The following TCF12 variants were observed in gnomAD, a reference collection of about 807,000 sequenced individuals.
The protein encoded by TCF12 is transcription factor 12.
TCF12 carries 45 observed loss-of-function variants against 86.0 expected under a neutral mutation model. The ratio of observed to expected loss-of-function variants is 0.52; its 90% CI spans 0.41 to 0.67. The LOEUF (loss-of-function observed/expected upper bound fraction) is 0.67. Ranked by LOEUF, TCF12 falls within the 30% of genes least tolerant of loss-of-function variation. The pLI, the probability that TCF12 is intolerant of heterozygous loss-of-function variation, is 0.00. For synonymous variants in TCF12, 330 were observed against 299.6 expected (o/e 1.10, Z -1.05); for missense variants, 881 against 859.9 (o/e 1.02, Z -0.31).
At chr15:57,061,547 GA>G (rs2068457945) in intron 3 of TCF12, among the ~76,000 whole-genome samples, 1 of 152,158 alleles carries the variant, frequency 6.6e-6, no homozygotes, top group Non-Finnish European at 1.5e-5. Context: ...TGGTTGCAGT[GA>G]GCTATCATCA....
At chr15:57,135,645 A>T (rs1417879266) in intron 5 of TCF12, among the ~76,000 whole-genome samples, 4 of 152,214 alleles carry the variant, frequency 2.6e-5, no homozygotes, top group Non-Finnish European at 5.9e-5. Flanking sequence ...AAAGCTTTTT[A>T]AAAAAGTATC....
At chr15:56,994,894 T>C (rs557220178) in intron 3 of TCF12, among the ~76,000 whole-genome samples, 57 of 152,228 alleles carry the variant, frequency 3.7e-4, no homozygotes, top group Middle Eastern at 3.4e-3. Context: ...ACAGAAATGG[T>C]AAATATTTGG....
chr15:57,085,194 T>C (rs1171377370), intron 4 of TCF12, among the ~76,000 whole-genome samples: 1 of 152,220 alleles, frequency 6.6e-6, no homozygotes, highest in Non-Finnish European at 1.5e-5. Context: ...AGCACTTCAT[T>C]ACACACAAAA....
chr15:56,952,380 C>CT (rs2061319899), intron 3 of TCF12, among the ~76,000 whole-genome samples: 1 of 149,444 alleles, frequency 6.7e-6, no homozygotes, highest in Non-Finnish European at 1.5e-5. Context: ...TCTAGGTCCT[C>CT]TGCATTTTCA....
At chr15:57,235,499 G>C (rs1444131577) in intron 12 of TCF12, among the ~76,000 whole-genome samples, 1 of 152,188 alleles carries the variant, frequency 6.6e-6, no homozygotes, top group Non-Finnish European at 1.5e-5. Flanking sequence ...TCCAGAAAGT[G>C]CGGTGCTGTG....
In TCF12 at chr15:57,072,664, G is replaced by A. The variant is rs2733186; in HGVS notation, c.222+8841G>A. On this transcript the variant is annotated intron_variant, in intron 4 of 20. Transcript: ENST00000333725. ...CCTCTTGATCTCAGGTACAATACAC[G>A]AGATGAAGCAGTTAAATAGCAAAGC... 3,249 of 1,305,506 alleles carry A rather than the reference G, an allele frequency of 2.5e-3. 70 individuals are homozygous for A. The African/African-American group carries it at 0.044, about 18-fold the overall frequency. The allele number at this position is 1,305,506 out of a possible 1,614,324, so 80.9% of individuals were successfully genotyped here.
chr15:56,981,677 A>C (rs149361686), intron 3 of TCF12, among the ~76,000 whole-genome samples: 7 of 152,212 alleles, frequency 4.6e-5, no homozygotes, highest in Admixed American at 2.0e-4. Flanking sequence ...GACTCCTCCA[A>C]AACTTAACTA....
intron 3 of TCF12, among the ~76,000 whole-genome samples, chr15:57,020,293 T>C (rs1460549739): frequency 6.6e-6 from 1 of 152,210 alleles, no homozygotes; most frequent in African/African-American, 2.4e-5. Context: ...GAAGCAAATG[T>C]ACTGAGCTCA....
intron 3 of TCF12, among the ~76,000 whole-genome samples, chr15:56,999,679 G>C (rs759769299): frequency 4.6e-5 from 7 of 152,048 alleles, no homozygotes; most frequent in Non-Finnish European, 1.0e-4. Flanking sequence ...TTCCAGACCA[G>C]CCTGGCCAAT....
At chr15:57,221,716 A>G (rs144790085) in intron 8 of TCF12, among the ~76,000 whole-genome samples, 6 of 152,190 alleles carry the variant, frequency 3.9e-5, no homozygotes, top group Admixed American at 2.0e-4. Context: ...AGTCCTCCAA[A>G]TCATAAGACC....
intron 5 of TCF12, among the ~76,000 whole-genome samples, chr15:57,138,755 T>A (rs761682186): frequency 1.4e-4 from 21 of 152,160 alleles, no homozygotes; most frequent in Non-Finnish European, 2.5e-4. Flanking sequence ...GGTTCATAGA[T>A]AAAAAGCAAA....
intron 3 of TCF12, among the ~76,000 whole-genome samples, chr15:57,059,466 CT>C (rs2068284491): frequency 6.6e-6 from 1 of 152,154 alleles, no homozygotes; most frequent in Non-Finnish European, 1.5e-5. Flanking sequence ...AGACTCACCA[CT>C]ACTAACTGAA....
intron 18 of TCF12, among the ~76,000 whole-genome samples, chr15:57,266,888 G>A (rs1265635642): frequency 2.0e-4 from 30 of 152,140 alleles, no homozygotes; most frequent in Admixed American, 1.9e-3. Flanking sequence ...AATTAGCGGG[G>A]CATGGTGGCA....
At chr15:56,969,512 TA>T (rs2140711737) in intron 3 of TCF12, among the ~76,000 whole-genome samples, 1 of 150,446 alleles carries the variant, frequency 6.6e-6, no homozygotes, top group East Asian at 2.0e-4. Flanking sequence ...AGATACACTA[TA>T]CTATTAGACA....
intron 5 of TCF12, among the ~76,000 whole-genome samples, chr15:57,109,656 G>C (rs927936782): frequency 1.3e-5 from 2 of 152,046 alleles, no homozygotes; most frequent in African/African-American, 4.8e-5. Flanking sequence ...TAGTATTTTA[G>C]GTTTTTGTTG....
chr15:56,988,431 T>C (rs780024762), intron 3 of TCF12, among the ~76,000 whole-genome samples: 20 of 152,186 alleles, frequency 1.3e-4, no homozygotes, highest in Admixed American at 2.6e-4. Flanking sequence ...ATAAAAATGT[T>C]GTTGTAATCT....
chr15:56,929,987 A>G (rs1307033390), intron 3 of TCF12, among the ~76,000 whole-genome samples: 1 of 152,184 alleles, frequency 6.6e-6, no homozygotes, highest in African/African-American at 2.4e-5. Flanking sequence ...TGCTTCTGTT[A>G]GTTTTGCCTG....
intron 6 of TCF12, among the ~76,000 whole-genome samples, chr15:57,172,367 A>G (rs2055574701): frequency 1.3e-5 from 2 of 152,220 alleles, no homozygotes; most frequent in Non-Finnish European, 2.9e-5. Context: ...ATGTAGAACA[A>G]AATTAACTAT....
At chr15:57,131,615 T>C (rs2052128714) in intron 5 of TCF12, among the ~76,000 whole-genome samples, 1 of 152,288 alleles carries the variant, frequency 6.6e-6, no homozygotes, top group East Asian at 1.9e-4. Context: ...GTATATCTCA[T>C]TATGCTTTTC....
Sources: allele counts gnomAD v4.1 joint callset (sites outside exome capture counted in the v4.1 genomes callset), GRCh38; gene constraint gnomAD v4.1.1; transcripts MANE v1.5; gene names NCBI Gene and HGNC (gene_info 2026-07-23, HGNC 2026-07-21).